The following PTDSS2 variants were observed in gnomAD, a reference collection of about 807,000 sequenced individuals.
PTDSS2 encodes PSS-2.
PTDSS2 carries 41 observed loss-of-function variants against 64.7 expected under a neutral mutation model. That is an observed-to-expected ratio of 0.63 (90% confidence interval 0.49 to 0.82). The LOEUF is 0.82. Among genes scored for constraint, PTDSS2 ranks in the 40% least tolerant of loss-of-function variants. PTDSS2 has a pLI of 0.00. For synonymous variants in PTDSS2, 297 were observed against 277.8 expected (o/e 1.07, Z -0.69); for missense variants, 485 against 650.0 (o/e 0.75, Z 2.76).
intron 1 of PTDSS2, among the ~76,000 whole-genome samples, chr11:453,667 TC>T (rs1323593127): frequency 1.3e-5 from 2 of 152,332 alleles, no homozygotes; most frequent in East Asian, 3.9e-4. Flanking sequence ...GTCTTGCTGG[TC>T]AGAGCCAGAA....
intron 2 of PTDSS2, among the ~76,000 whole-genome samples, chr11:471,205 C>T (rs1384039918): frequency 6.6e-6 from 1 of 151,256 alleles, no homozygotes; most frequent in Non-Finnish European, 1.5e-5. Flanking sequence ...AAGTGATTCT[C>T]CTACTTCAGC....
chr11:488,355 G>A, intron 7 of PTDSS2, 43 bp downstream of exon 7: 1 of 1,529,166 alleles, frequency 6.5e-7, no homozygotes, highest in East Asian at 2.3e-5. Flanking sequence ...TGCAGGCTGA[G>A]GGGCATTCTC....
In PTDSS2 at chr11:476,481, G is replaced by A. The variant is rs1174171781; in HGVS notation, c.367+2504G>A. ...GCTGCCGGAAGCTCAACCCATGGCC[G>A]TCCTTGCTTGGAGATGCACCAAATC... On this transcript the variant is annotated intron_variant, in intron 3 of 11. Coordinates refer to ENST00000308020, the MANE Select transcript of PTDSS2 (RefSeq NM_030783.3). This position sits in a 1 kb window ranked among gnomAD's most constrained non-coding sequence, Gnocchi z 4.9. Among the ~76,000 whole-genome samples, 1 of 152,184 alleles carries A rather than the reference G, an allele frequency of 6.6e-6. No individual in the cohort carries two copies.
chr11:487,354 T>C (rs1848439866), intron 5 of PTDSS2, 66 bp from the exon 6 acceptor site: 1 of 1,433,216 alleles, frequency 7.0e-7, no homozygotes, highest in African/African-American at 1.4e-5. Flanking sequence ...TGTGGGCTGA[T>C]CTGCCGGTGT....
intron 4 of PTDSS2, among the ~76,000 whole-genome samples, chr11:485,303 CTGTG>C (rs367713826): frequency 7.9e-5 from 10 of 126,440 alleles, no homozygotes; most frequent in South Asian, 2.7e-4. Context: ...TGTGTGCTCA[CTGTG>C]TGCGCAGGCG....
In PTDSS2 at chr11:462,599, C is replaced by T. The variant is rs1385704649; in HGVS notation, c.284+2311C>T. Among the ~76,000 whole-genome samples, 1 of 152,176 alleles carries T rather than the reference C, an allele frequency of 6.6e-6. No homozygotes were observed. The highest frequency in any genetic ancestry group is 1.5e-5 in the Non-Finnish European group (1 of 68,018). ...TGCCCCAGGTCACCCTGGCACTGACCGTGGCTCTGTGGCTCCTTCCAGTGA... is the reference window on the plus strand; with the variant it reads ...TGCCCCAGGTCACCCTGGCACTGACTGTGGCTCTGTGGCTCCTTCCAGTGA... On this transcript the variant is annotated intron_variant, in intron 2 of 11. Transcript: ENST00000308020. The surrounding 1 kb of genome is among the most constrained non-coding windows in gnomAD (Gnocchi z 4.5).
upstream of PTDSS2, chr11:448,389 A>AC (rs1442277027): frequency 6.6e-6 from 1 of 152,170 alleles, no homozygotes; most frequent in Non-Finnish European, 1.5e-5. Context: ...GCAGGAAATG[A>AC]CCCCAACGCC....
intron 2 of PTDSS2, 120 bp from the exon 3 acceptor site, chr11:473,775 C>T (rs879170687): frequency 2.5e-6 from 2 of 803,058 alleles, no homozygotes; most frequent in South Asian, 2.8e-5. Context: ...GAGGCCCCTT[C>T]CTCCCGCCCC....
At chr11:452,858 G>A (rs1195775069) in intron 1 of PTDSS2, among the ~76,000 whole-genome samples, 2 of 151,928 alleles carry the variant, frequency 1.3e-5, no homozygotes, top group African/African-American at 2.4e-5. Context: ...CTAATTTTGT[G>A]TTTTAGAGAG....
Position 460,016 on chromosome 11 carries a change from G to C in PTDSS2, c.183-171G>C. On this transcript the variant is annotated intron_variant, in intron 1 of 11. Coordinates refer to ENST00000308020, the MANE Select transcript of PTDSS2 (RefSeq NM_030783.3). This position sits in a 1 kb window ranked among gnomAD's most constrained non-coding sequence, Gnocchi z 5.8. Reference sequence around the variant, plus strand: ...AGCCCTGACTGGCCAGCAGACGCAGGGTCATCTCGGAGTTACCCAGCTAGG... The same window carrying C: ...AGCCCTGACTGGCCAGCAGACGCAGCGTCATCTCGGAGTTACCCAGCTAGG... 1 of 606,466 alleles carries C rather than the reference G, an allele frequency of 1.6e-6. No individual in the cohort carries two copies. Among genetic ancestry groups the C allele is most frequent in the South Asian group, 1.9e-5 (1 of 53,750 alleles). 37.6% of individuals were successfully genotyped at this position (606,466 alleles called of 1,614,324 possible).
chr11:456,818 C>G (rs539494286), intron 1 of PTDSS2, among the ~76,000 whole-genome samples: 1 of 152,120 alleles, frequency 6.6e-6, no homozygotes, highest in Admixed American at 6.5e-5. Context: ...TGGAGCTCAG[C>G]AGGAAGGCTG....
At chr11:468,919 G>GGC (rs1564972354) in intron 2 of PTDSS2, among the ~76,000 whole-genome samples, 4 of 147,210 alleles carry the variant, frequency 2.7e-5, no homozygotes, top group African/African-American at 7.8e-5. Flanking sequence ...GGGAGGAGGG[G>GGC]AGTCTCTGGG....
Position 460,546 on chromosome 11 carries a change from T to C in PTDSS2, c.284+258T>C. Reference sequence around the variant, plus strand: ...TGTCATCTCCACGTGACCGGCAGCCTGTGCTGCGTTTCCTCTGAGTTTTGC... The same window carrying C: ...TGTCATCTCCACGTGACCGGCAGCCCGTGCTGCGTTTCCTCTGAGTTTTGC... On this transcript the variant is annotated intron_variant, in intron 2 of 11. Transcript: ENST00000308020. The surrounding 1 kb of genome is among the most constrained non-coding windows in gnomAD (Gnocchi z 5.8). 2.2e-6 allele frequency: 1 copy of C among 455,330 alleles called. No individual in the cohort carries two copies. The highest frequency in any genetic ancestry group is 2.0e-5 in the African/African-American group (1 of 50,872). 28.2% of individuals were successfully genotyped at this position (455,330 alleles called of 1,614,324 possible).
chr11:463,776 G>A (rs564351843), intron 2 of PTDSS2: 7 of 152,108 alleles, frequency 4.6e-5, no homozygotes, highest in Admixed American at 3.9e-4. Context: ...TCGATCTCCT[G>A]ACTTCGTGAT....
chr11:482,416 T>G (rs1213930231), intron 4 of PTDSS2, among the ~76,000 whole-genome samples: 8 of 152,166 alleles, frequency 5.3e-5, no homozygotes, highest in Admixed American at 2.6e-4. Flanking sequence ...GAGTCGGGGT[T>G]TCACCGTGTT....
Position 490,811 on chromosome 11 carries a change from C to CATGTGTACGT in PTDSS2, c.*229_*230insATGTGTACGT. Reference sequence around the variant, plus strand: ...ATGCGTGTGTGTACGCGTGTGTACGCGCGTGTGTACACATGCGTGGCCGCC... The same window carrying CATGTGTACGT: ...ATGCGTGTGTGTACGCGTGTGTACGCATGTGTACGTGCGTGTGTACACATGCGTGGCCGCC... On this transcript the variant is annotated 3_prime_UTR_variant, in exon 12 of 12. Transcript: ENST00000308020. 1.7e-6 allele frequency: 1 copy of CATGTGTACGT among 582,022 alleles called. No homozygotes were observed. Among genetic ancestry groups the CATGTGTACGT allele is most frequent in the Non-Finnish European group, 3.0e-6 (1 of 328,832 alleles). The allele number at this position is 582,022 out of a possible 1,614,324, so 36.1% of individuals were successfully genotyped here.
intron 3 of PTDSS2, among the ~76,000 whole-genome samples, chr11:478,517 C>T (rs978835188): frequency 6.6e-6 from 1 of 151,902 alleles, no homozygotes; most frequent in South Asian, 2.1e-4. Flanking sequence ...GAGGCTGAGG[C>T]GGGTGGACCA....
At chr11:451,616 C>A (rs1846332413) in intron 1 of PTDSS2, 18 of 238,424 alleles carry the variant, frequency 7.5e-5, no homozygotes, top group South Asian at 6.3e-4. Context: ...GCTTTATGGA[C>A]GCTTCCAAGA....
chr11:472,212 G>C (rs1256131196), intron 2 of PTDSS2, among the ~76,000 whole-genome samples: 1 of 152,186 alleles, frequency 6.6e-6, no homozygotes, highest in African/African-American at 2.4e-5. Context: ...GGGAGGGTAG[G>C]GGGACGTTTT....
Sources: allele counts gnomAD v4.1 joint callset (sites outside exome capture counted in the v4.1 genomes callset), GRCh38; gene constraint gnomAD v4.1.1; non-coding constraint Gnocchi (gnomAD v3.1); transcripts MANE v1.5; gene names NCBI Gene and HGNC (gene_info 2026-07-23, HGNC 2026-07-21).